The following CLIC5 variants were observed in gnomAD, a reference collection of about 807,000 sequenced individuals.
CLIC5 encodes the protein CLIC family member 5.
CLIC5 carries 20 observed loss-of-function variants against 24.7 expected under a neutral mutation model. The observed-to-expected ratio is 0.81, with a 90% CI of 0.57 to 1.18. The LOEUF is 1.18. Among genes scored for constraint, CLIC5 ranks in the 50% most tolerant of loss-of-function variants. CLIC5 has a pLI of 0.00. For synonymous variants in CLIC5, 159 were observed against 135.6 expected, an observed-to-expected ratio of 1.17 and a Z score of -1.20; for missense variants, 341 against 326.1, an observed-to-expected ratio of 1.05 and a Z score of -0.35.
chr6:46,055,679 C>G (rs184034685), intron 1 of CLIC5, among the ~76,000 whole-genome samples: 2 of 152,154 alleles, frequency 1.3e-5, no homozygotes, highest in African/African-American at 2.4e-5. Context: ...CATCTTGCAC[C>G]GCATCTCTCA....
At chr6:46,067,793 C>A (rs1341969236) in intron 1 of CLIC5, among the ~76,000 whole-genome samples, 1 of 152,136 alleles carries the variant, frequency 6.6e-6, no homozygotes, top group Non-Finnish European at 1.5e-5. Context: ...CTTACATAGT[C>A]CCTTGCATCA....
intron 1 of CLIC5, among the ~76,000 whole-genome samples, chr6:46,055,647 T>C (rs947170609): frequency 1.3e-5 from 2 of 152,218 alleles, no homozygotes; most frequent in Admixed American, 6.5e-5. Flanking sequence ...AGTGTCTTTT[T>C]CCCCCTCATG....
chr6:45,967,109 G>T (rs1308045115), intron 1 of CLIC5, among the ~76,000 whole-genome samples: 34 of 152,220 alleles, frequency 2.2e-4, no homozygotes, highest in Non-Finnish European at 5.9e-5. Flanking sequence ...CTTAAAAAAT[G>T]CAGGGTCCTC....
chr6:45,928,486 A>C (rs1763591293), intron 4 of CLIC5, among the ~76,000 whole-genome samples: 1 of 152,204 alleles, frequency 6.6e-6, no homozygotes, highest in Non-Finnish European at 1.5e-5. Flanking sequence ...AGGGGTTATG[A>C]ATGTAGTAAT....
At chr6:45,916,744 C>G (rs747516207) in intron 4 of CLIC5, among the ~76,000 whole-genome samples, 5 of 152,164 alleles carry the variant, frequency 3.3e-5, no homozygotes, top group East Asian at 3.8e-4. Context: ...GGTAATTCCT[C>G]GAGATGGAAG....
rs546506435 is a variant in CLIC5 at position 45,899,234 on chromosome 6, C to T, written c.*3854G>A. 1 of 152,226 alleles carries T rather than the reference C, an allele frequency of 6.6e-6. No individual in the cohort carries two copies. The highest frequency in any genetic ancestry group is 1.5e-5 in the Non-Finnish European group (1 of 68,042). The allele number at this position is 152,226 out of a possible 1,614,324, so 9.4% of individuals were successfully genotyped here. A position where few individuals can be genotyped will look rare whatever the true frequency, so the allele number is the denominator to read the frequency against. On this transcript the variant is annotated 3_prime_UTR_variant, in exon 6 of 6. Coordinates refer to ENST00000339561, the MANE Select transcript of CLIC5 (RefSeq NM_016929.5). ...CTAACATCAGAATCAGGGTGCTTCA[C>T]ATGCACATGTCTTTCTCTGATGCTT...
chr6:45,916,456 C>T (rs1363378906), intron 4 of CLIC5, among the ~76,000 whole-genome samples: 1 of 152,146 alleles, frequency 6.6e-6, no homozygotes, highest in African/African-American at 2.4e-5. Flanking sequence ...CCCTTTCATT[C>T]CTGGAGATTA....
chr6:45,957,047 A>C (rs1764668958), intron 1 of CLIC5, among the ~76,000 whole-genome samples: 2 of 152,172 alleles, frequency 1.3e-5, no homozygotes, highest in South Asian at 4.1e-4. Context: ...ACATCCCGAC[A>C]CAGGAAGAAT....
chr6:46,044,948 C>T (rs533149134), intron 1 of CLIC5, among the ~76,000 whole-genome samples: 1 of 152,034 alleles, frequency 6.6e-6, no homozygotes, highest in Non-Finnish European at 1.5e-5. Flanking sequence ...GTGTTTGAGG[C>T]CTTCATTCTT....
chr6:46,012,002 A>G (rs1766826271), intron 1 of CLIC5, among the ~76,000 whole-genome samples: 2 of 152,182 alleles, frequency 1.3e-5, no homozygotes, highest in Admixed American at 6.5e-5. Context: ...GCAATTTTCA[A>G]TTTACAAAGT....
At chr6:45,887,202 T>C (rs1762312076) in intron 6 of CLIC5, among the ~76,000 whole-genome samples, 1 of 152,250 alleles carries the variant, frequency 6.6e-6, no homozygotes, top group African/African-American at 2.4e-5. Context: ...TACCACAATC[T>C]GAGTGGCTTG....
At chr6:45,964,369 G>C (rs148435577) in intron 1 of CLIC5, among the ~76,000 whole-genome samples, 35 of 152,292 alleles carry the variant, frequency 2.3e-4, no homozygotes, top group African/African-American at 6.5e-4. Context: ...CACAGCCCCA[G>C]CTAGAGGTGG....
chr6:45,928,792 GT>G lies in CLIC5; in HGVS notation c.406+12754del, dbSNP rs1561940428. On this transcript the variant is annotated intron_variant, in intron 4 of 5. Transcript: ENST00000339561. Reference sequence around the variant, plus strand: ...AGTGTGTGTGTGTGTGTGTGTGTGTGTGTAGAGAGAGAGAGATTGAGAAACG... The same window carrying G: ...AGTGTGTGTGTGTGTGTGTGTGTGTGGTAGAGAGAGAGAGATTGAGAAACG... 4.6e-3 allele frequency among the ~76,000 whole-genome samples: 695 copies of G among 151,232 alleles called. 7 individuals are homozygous for G. Among genetic ancestry groups the G allele is most frequent in the African/African-American group, 0.015 (603 of 40,766 alleles).
At chr6:46,057,311 A>G (rs996309326) in intron 1 of CLIC5, among the ~76,000 whole-genome samples, 2 of 152,112 alleles carry the variant, frequency 1.3e-5, no homozygotes, top group African/African-American at 4.8e-5. Flanking sequence ...ACAAAATCTG[A>G]TGGGTTTATC....
At chr6:45,958,475 T>TATAA (rs1764740032) in intron 1 of CLIC5, among the ~76,000 whole-genome samples, 1 of 81,368 alleles carries the variant, frequency 1.2e-5, no homozygotes, top group Non-Finnish European at 2.7e-5. Flanking sequence ...TATATATATA[T>TATAA]AAACAGCTAA....
chr6:45,914,642 T>C (rs1762951450), intron 4 of CLIC5: 4 of 766,856 alleles, frequency 5.2e-6, no homozygotes, highest in Non-Finnish European at 6.8e-6. Flanking sequence ...TCTTTTGCTT[T>C]GAAAAAAATA....
At chr6:45,958,686 A>G (rs1764749379) in intron 1 of CLIC5, among the ~76,000 whole-genome samples, 1 of 151,658 alleles carries the variant, frequency 6.6e-6, no homozygotes, top group African/African-American at 2.4e-5. Context: ...CATCTGTTAT[A>G]TGCTGGATAC....
Position 45,902,858 on chromosome 6 carries a change from C to A in CLIC5, c.*230G>T, listed in dbSNP as rs144028354. ...CTGAGCCCAGATCAGGCTGGCCGGC[C>A]GAAAGGTGGACTGTGTCTATCATTT... On this transcript the variant is annotated 3_prime_UTR_variant, in exon 6 of 6. Coordinates refer to ENST00000339561, the MANE Select transcript of CLIC5 (RefSeq NM_016929.5). 49 of 541,054 alleles carry A rather than the reference C, an allele frequency of 9.1e-5. No individual in the cohort carries two copies. In the East Asian group the frequency reaches 1.6e-3, roughly 17 times the overall value. 33.5% of individuals were successfully genotyped at this position (541,054 alleles called of 1,614,324 possible).
the CLIC5 span, among the ~76,000 whole-genome samples, chr6:46,114,170 A>G: frequency 6.6e-6 from 1 of 152,028 alleles, no homozygotes; most frequent in Non-Finnish European, 1.5e-5. Context: ...ATTATGTGGA[A>G]CCCTTTCTTG....
Sources: allele counts gnomAD v4.1 joint callset (sites outside exome capture counted in the v4.1 genomes callset), GRCh38; gene constraint gnomAD v4.1.1; transcripts MANE v1.5; gene names NCBI Gene and HGNC (gene_info 2026-07-23, HGNC 2026-07-21).